The following MYT1L variants were observed in gnomAD, a reference collection of about 807,000 sequenced individuals.
The protein encoded by MYT1L is myelin transcription factor 1-like protein.
Under a neutral mutation model 126.7 loss-of-function variants are expected in MYT1L, and 12 were observed. The ratio of observed to expected loss-of-function variants is 0.09; its 90% CI spans 0.06 to 0.15. MYT1L has a LOEUF of 0.15. Ranked by LOEUF, MYT1L falls within the 10% of genes least tolerant of loss-of-function variation. MYT1L has a pLI of 1.00. For synonymous variants in MYT1L, 541 were observed against 604.2 expected (o/e 0.90, Z 1.53); for missense variants, 979 against 1,585.2 (o/e 0.62, Z 6.49).
chr2:2,164,725 A>G (rs900970833), intron 3 of MYT1L, among the ~76,000 whole-genome samples: 1 of 152,250 alleles, frequency 6.6e-6, no homozygotes, highest in Non-Finnish European at 1.5e-5. Context: ...TATGAAAGAA[A>G]GACACGTGCT....
At chr2:1,960,352 G>A (rs1185765901) in intron 8 of MYT1L, among the ~76,000 whole-genome samples, 3 of 152,190 alleles carry the variant, frequency 2.0e-5, no homozygotes, top group South Asian at 2.1e-4. Flanking sequence ...AGGACAGGGC[G>A]GGGGACGGTG....
intron 14 of MYT1L, among the ~76,000 whole-genome samples, chr2:1,898,369 C>T (rs2049892447): frequency 2.6e-5 from 4 of 152,182 alleles, no homozygotes; most frequent in Admixed American, 1.3e-4. Context: ...AGTTGAAATA[C>T]GGACGTCTAA....
rs2095661856 is a variant in MYT1L, at chr2:2,295,567, G to GAGAGAGAGAGAGAGACAGACAGAC, written c.-520-11065_-520-11064insGTCTGTCTGTCTCTCTCTCTCTCT. Among the ~76,000 whole-genome samples the GAGAGAGAGAGAGAGACAGACAGAC allele has an allele frequency of 2.0e-3, 33 of 16,652 alleles. 4 individuals are homozygous for GAGAGAGAGAGAGAGACAGACAGAC. The highest frequency in any genetic ancestry group is 4.6e-3 in the Non-Finnish European group (26 of 5,690). 10.9% of individuals were successfully genotyped at this position (16,652 alleles called of 152,430 possible). ...AGAGAGAGAGAGAGACAGACAGACA[G>GAGAGAGAGAGAGAGACAGACAGAC]AGAGAGAGAGAGAGAGACAGACAGA... On this transcript the variant is annotated intron_variant, in intron 1 of 24. Coordinates refer to ENST00000647738, the MANE Select transcript of MYT1L (RefSeq NM_001303052.2).
intron 3 of MYT1L, among the ~76,000 whole-genome samples, chr2:2,125,947 G>A (rs1355992126): frequency 1.3e-5 from 2 of 152,312 alleles, no homozygotes; most frequent in East Asian, 3.9e-4. Context: ...GACGGCTTCT[G>A]TGTAGCTTCA....
Position 1,889,103 on chromosome 2 carries a change from C to T in MYT1L, c.2520+138G>A. ...CTTCTGGGTCAACAAAAACTGTTTT[C>T]TAAGTCCTCCTCAGCTAAAGGTCAT... On this transcript the variant is annotated intron_variant, in intron 16 of 24. Transcript: ENST00000647738. The surrounding 1 kb of genome is among the most constrained non-coding windows in gnomAD (Gnocchi z 4.1). 2 of 634,100 alleles carry T rather than the reference C, an allele frequency of 3.2e-6. No individual in the cohort carries two copies. The highest frequency in any genetic ancestry group is 2.4e-5 in the South Asian group (1 of 41,494). The allele number at this position is 634,100 out of a possible 1,614,324, so 39.3% of individuals were successfully genotyped here. A position where few individuals can be genotyped will look rare whatever the true frequency, so the allele number is the denominator to read the frequency against.
At chr2:2,277,446 C>T (rs966926251) in intron 2 of MYT1L, among the ~76,000 whole-genome samples, 4 of 152,122 alleles carry the variant, frequency 2.6e-5, no homozygotes, top group Admixed American at 6.5e-5. Flanking sequence ...TTGTCCCATA[C>T]GGGAGGAAAG....
At chr2:2,130,654 C>T (rs2082250939) in intron 3 of MYT1L, among the ~76,000 whole-genome samples, 1 of 152,070 alleles carries the variant, frequency 6.6e-6, no homozygotes, top group Non-Finnish European at 1.5e-5. Context: ...CGTCTGTATA[C>T]ATAATGGAGT....
intron 3 of MYT1L, among the ~76,000 whole-genome samples, chr2:2,121,410 C>T (rs980709915): frequency 1.3e-5 from 2 of 151,900 alleles, no homozygotes; most frequent in Non-Finnish European, 2.9e-5. Flanking sequence ...CTCCTGACAT[C>T]GTGATCCGCC....
intron 4 of MYT1L, among the ~76,000 whole-genome samples, chr2:2,012,523 G>A (rs2063935324): frequency 6.6e-6 from 1 of 152,178 alleles, no homozygotes. Flanking sequence ...AAAGTTGACT[G>A]GGTGATACTT....
chr2:1,889,110 C>T lies in MYT1L; in HGVS notation c.2520+131G>A, dbSNP rs1188772003. The T allele has an allele frequency of 3.0e-6, 2 of 659,636 alleles. No individual in the cohort carries two copies. The highest frequency in any genetic ancestry group is 5.0e-6 in the Non-Finnish European group (2 of 403,232). The allele number at this position is 659,636 out of a possible 1,614,324, so 40.9% of individuals were successfully genotyped here. On this transcript the variant is annotated intron_variant, in intron 16 of 24. Coordinates refer to ENST00000647738, the MANE Select transcript of MYT1L (RefSeq NM_001303052.2). The surrounding 1 kb of genome is among the most constrained non-coding windows in gnomAD (Gnocchi z 4.1). The stretch of plus-strand genomic sequence containing the variant: ...GTCAACAAAAACTGTTTTCTAAGTC[C>T]TCCTCAGCTAAAGGTCATATTTAAA...
At chr2:2,232,352 C>T (rs1227127979) in intron 2 of MYT1L, among the ~76,000 whole-genome samples, 1 of 152,242 alleles carries the variant, frequency 6.6e-6, no homozygotes, top group Non-Finnish European at 1.5e-5. Context: ...TCAAGTGTGC[C>T]AACTTCCTGC....
At chr2:2,057,033 C>T (rs1295070479) in intron 3 of MYT1L, among the ~76,000 whole-genome samples, 2 of 152,132 alleles carry the variant, frequency 1.3e-5, no homozygotes, top group Non-Finnish European at 2.9e-5. Context: ...CCGCCAATGA[C>T]AACATTTTGC....
At chr2:2,209,499 G>A (rs911673367) in intron 2 of MYT1L, among the ~76,000 whole-genome samples, 6 of 152,128 alleles carry the variant, frequency 3.9e-5, no homozygotes, top group Non-Finnish European at 7.4e-5. Flanking sequence ...AACATGTGAA[G>A]CTTGTCTTTT....
chr2:2,233,310 G>A (rs933999832), intron 2 of MYT1L, among the ~76,000 whole-genome samples: 1 of 152,178 alleles, frequency 6.6e-6, no homozygotes, highest in Non-Finnish European at 1.5e-5. Context: ...CAGAGCACGG[G>A]GCGCCGGGAT....
chr2:1,963,114 T>C (rs2059093444), intron 8 of MYT1L, among the ~76,000 whole-genome samples: 1 of 152,222 alleles, frequency 6.6e-6, no homozygotes, highest in Non-Finnish European at 1.5e-5. Flanking sequence ...TCCTGACCCA[T>C]GGGCTGCAGA....
rs898467543 is a variant in MYT1L, at chr2:1,979,328, G to C, written c.90-101C>G. ...GAAGGAGGGCGGCTCAGACAGAGGA[G>C]AGAAATCACACAATCCAAAGGAGGG... On this transcript the variant is annotated intron_variant, in intron 7 of 24. Transcript: ENST00000647738. The surrounding 1 kb of genome is among the most constrained non-coding windows in gnomAD (Gnocchi z 4.0). The C allele has an allele frequency of 5.9e-6, 7 of 1,187,842 alleles. No homozygotes were observed. Among genetic ancestry groups the C allele is most frequent in the Non-Finnish European group, 8.6e-6 (7 of 811,532 alleles). 73.6% of individuals were successfully genotyped at this position (1,187,842 alleles called of 1,614,324 possible). A position where few individuals can be genotyped will look rare whatever the true frequency, so the allele number is the denominator to read the frequency against.
chr2:1,857,461 T>C (rs1344532063), intron 18 of MYT1L, among the ~76,000 whole-genome samples: 1 of 152,148 alleles, frequency 6.6e-6, no homozygotes, highest in Admixed American at 6.5e-5. Context: ...CATTGAATAT[T>C]TGGAGTAATA....
At chr2:2,158,506 CA>C (rs2087128781) in intron 3 of MYT1L, among the ~76,000 whole-genome samples, 1 of 152,104 alleles carries the variant, frequency 6.6e-6, no homozygotes, top group African/African-American at 2.4e-5. Context: ...TGACTAAAAG[CA>C]GAAACCTTGA....
chr2:1,839,109 G>GC, intron 21 of MYT1L, 40 bp downstream of exon 21: 1 of 1,549,962 alleles, frequency 6.5e-7, no homozygotes, highest in East Asian at 2.4e-5. Context: ...GCTCTCGGCG[G>GC]CACCATCCCA....
Sources: gnomAD v4.1 joint callset for allele counts (sites outside exome capture counted in the v4.1 genomes callset) on GRCh38, gnomAD v4.1.1 for gene constraint, Gnocchi (gnomAD v3.1) non-coding constraint, MANE v1.5 for transcripts, NCBI Gene and HGNC (gene_info 2026-07-23, HGNC 2026-07-21) for gene names.